Variants in NELFB observed in about 807,000 individuals in gnomAD.
NELFB encodes negative elongation factor B.
Under a neutral mutation model 60.2 loss-of-function variants are expected in NELFB, and 34 were observed. That is an observed-to-expected ratio of 0.56 (90% CI 0.43 to 0.75). The LOEUF (loss-of-function observed/expected upper bound fraction) is 0.75. Ranked by LOEUF, NELFB falls within the 30% of genes least tolerant of loss-of-function variation. The pLI is 0.00. For missense variants in NELFB, 770 were observed against 831.6 expected (o/e 0.93, Z 0.91); for synonymous variants, 459 against 382.1 (o/e 1.20, Z -2.35).
At chr9:137,270,470 G>C (rs1830570798) in intron 10 of NELFB, among the ~76,000 whole-genome samples, 1 of 149,948 alleles carries the variant, frequency 6.7e-6, no homozygotes. Context: ...CATGCCTGTA[G>C]TCCCAGCTAC....
chr9:137,263,245 C>T (rs770500382), intron 5 of NELFB, 23 bp downstream of exon 5: 3 of 1,589,754 alleles, frequency 1.9e-6, no homozygotes, highest in Non-Finnish European at 2.6e-6. Context: ...TCCCTCCTTC[C>T]CCCCTACCCT....
chr9:137,265,848 G>A lies in NELFB; in HGVS notation c.1041-29G>A, dbSNP rs748090620. On this transcript the variant is annotated intron_variant, in intron 6 of 12. Transcript: ENST00000343053. Reference sequence around the variant, plus strand: ...GCTGAAGGGAGGGGCAACAGGCGTCGCATTAATGCCAGGGCGGCCTCCTTC... The same window carrying A: ...GCTGAAGGGAGGGGCAACAGGCGTCACATTAATGCCAGGGCGGCCTCCTTC... The A allele has an allele frequency of 5.8e-5, 85 of 1,476,482 alleles. 1 individual carries two copies. The highest frequency in any genetic ancestry group is 4.5e-5 in the Non-Finnish European group (47 of 1,055,854). 91.5% of individuals were successfully genotyped at this position (1,476,482 alleles called of 1,614,324 possible).
At chr9:137,261,528 G>A (rs558659457) in intron 4 of NELFB, among the ~76,000 whole-genome samples, 16 of 151,354 alleles carry the variant, frequency 1.1e-4, no homozygotes, top group Non-Finnish European at 2.2e-4. Context: ...CATGGCAGCC[G>A]GCGCCTGTAA....
Position 137,263,098 on chromosome 9 carries a change from A to G in NELFB, c.803A>G (p.Gln268Arg). 2 of 1,614,030 alleles carry G rather than the reference A, an allele frequency of 1.2e-6. No homozygotes were observed. Among genetic ancestry groups the G allele is most frequent in the East Asian group, 2.2e-5 (1 of 44,872 alleles). Residue 268 changes from glutamine to arginine, a missense_variant, in exon 5 of 13, where the codon CAG becomes CGG. Transcript: ENST00000343053. The stretch of plus-strand genomic sequence containing the variant: ...GTGAAGCTGTACGACATGGTGCTGC[A>G]GTTTCTGCGCACGCTCTTCCTGCGC...
intron 4 of NELFB, among the ~76,000 whole-genome samples, chr9:137,262,521 A>G (rs1161012528): frequency 6.6e-6 from 1 of 152,248 alleles, no homozygotes; most frequent in Non-Finnish European, 1.5e-5. Context: ...GGATTGTTAT[A>G]ATATTGGAAT....
chr9:137,256,074 G>C lies in NELFB; in HGVS notation c.410+4G>C. ...CGGAGGGGAAGGCTGAGGAAAGGTG[G>C]GTCAGCGGGAGGGGTGGGCAGGTGA... On this transcript the variant is annotated splice_donor_region_variant and intron_variant, in intron 2 of 12. Coordinates refer to ENST00000343053, the MANE Select transcript of NELFB (RefSeq NM_015456.5). 1 of 1,612,440 alleles carries C rather than the reference G, an allele frequency of 6.2e-7. No homozygotes were observed.
chr9:137,271,522 C>T (rs575880395), intron 10 of NELFB, among the ~76,000 whole-genome samples: 104 of 152,360 alleles, frequency 6.8e-4, no homozygotes, highest in African/African-American at 2.5e-3. Context: ...GTGCTGTGGT[C>T]GCACGTGAGG....
chr9:137,256,242 C>T lies in NELFB; in HGVS notation c.411-87C>T, dbSNP rs879085918. ...TGTGTCCTGGGCGTGGAGGCTTGTC[C>T]TGGTAGCTGTTATCTGTGTAGGGAC... On this transcript the variant is annotated intron_variant, in intron 2 of 12. Transcript: ENST00000343053. 18 of 1,425,806 alleles carry T rather than the reference C, an allele frequency of 1.3e-5. No individual in the cohort carries two copies. The East Asian group carries it at 1.8e-4, about 14-fold the overall frequency. 88.3% of individuals were successfully genotyped at this position (1,425,806 alleles called of 1,614,324 possible).
At chr9:137,270,356 C>CA (rs934221235) in intron 10 of NELFB, among the ~76,000 whole-genome samples, 10 of 151,504 alleles carry the variant, frequency 6.6e-5, no homozygotes, top group African/African-American at 2.4e-4. Flanking sequence ...TTTGGGAGGC[C>CA]AAGGCGGGTG....
rs1830557303 is a variant in NELFB, at chr9:137,269,495, G to T, written c.1489+2149G>T. On this transcript the variant is annotated intron_variant, in intron 10 of 12. Transcript: ENST00000343053. The surrounding 1 kb of genome is among the most constrained non-coding windows in gnomAD (Gnocchi z 5.3). ...CCTGCCCACTGCAGTACAGTCACGTGTCACATAACATTCTGTCTACCGTGG... is the reference window on the plus strand; with the variant it reads ...CCTGCCCACTGCAGTACAGTCACGTTTCACATAACATTCTGTCTACCGTGG... 6.6e-6 allele frequency among the ~76,000 whole-genome samples: 1 copy of T among 152,236 alleles called. No homozygotes were observed. Among genetic ancestry groups the T allele is most frequent in the Admixed American group, 6.5e-5 (1 of 15,282 alleles).
At chr9:137,272,681 G>T (rs1830598488) in intron 12 of NELFB, 66 bp downstream of exon 12, 2 of 1,536,482 alleles carry the variant, frequency 1.3e-6, no homozygotes, top group Admixed American at 4.0e-5. Context: ...TGCTTGCCAA[G>T]CTGCCCTTGT....
chr9:137,255,725 C>G (rs1837539985), intron 1 of NELFB, 114 bp downstream of exon 1: 2 of 1,429,944 alleles, frequency 1.4e-6, no homozygotes, highest in Admixed American at 4.1e-5. Context: ...GTGGCTGAGT[C>G]CTGTTCTGGG....
In NELFB at chr9:137,273,284, G is replaced by T. The variant is rs911291418; in HGVS notation, c.*356G>T. On this transcript the variant is annotated 3_prime_UTR_variant, in exon 13 of 13. Coordinates refer to ENST00000343053, the MANE Select transcript of NELFB (RefSeq NM_015456.5). ...TTCATTGGCCCAGCTTGGCGAAAGC[G>T]AGGCACACTGCTTACTGCCTTGGGG... 14 of 229,032 alleles carry T rather than the reference G, an allele frequency of 6.1e-5. No individual in the cohort carries two copies. The highest frequency in any genetic ancestry group is 9.5e-5 in the Non-Finnish European group (11 of 116,262). The allele number at this position is 229,032 out of a possible 1,614,324, so 14.2% of individuals were successfully genotyped here.
At chr9:137,258,185 G>A (rs1032704878) in intron 4 of NELFB, among the ~76,000 whole-genome samples, 1 of 139,494 alleles carries the variant, frequency 7.2e-6, no homozygotes, top group Non-Finnish European at 1.5e-5. Flanking sequence ...GTACAGTGGT[G>A]TGATCGTGGC....
intron 10 of NELFB, 144 bp downstream of exon 10, chr9:137,267,490 C>CTTTT (rs1174937800): frequency 4.8e-5 from 21 of 440,436 alleles, no homozygotes; most frequent in African/African-American, 1.8e-4. Flanking sequence ...TTGTTTTCAC[C>CTTTT]TTTTTTTTTT....
intron 4 of NELFB, among the ~76,000 whole-genome samples, chr9:137,259,987 C>T (rs1237040130): frequency 6.6e-6 from 1 of 151,384 alleles, no homozygotes; most frequent in Non-Finnish European, 1.5e-5. Flanking sequence ...GCCTCAGCCT[C>T]CCAAAGTGTT....
At chr9:137,265,433 G>C (rs1830506423) in intron 6 of NELFB, among the ~76,000 whole-genome samples, 1 of 115,618 alleles carries the variant, frequency 8.6e-6, no homozygotes, top group South Asian at 3.0e-4. Context: ...CTCTTGCCCA[G>C]GCTGGAGTGC....
At position 137,263,073 on chromosome 9, in the gene NELFB, G is replaced by A. The variant is rs1830472681; in HGVS notation, c.778G>A (p.Val260Met). ...GCTGACGCGGATGGTGGGGAAGAAC[G>A]TGAAGCTGTACGACATGGTGCTGCA... Residue 260 changes from valine (V) to methionine (M), a missense_variant, in exon 5 of 13, where the codon GTG becomes ATG. Coordinates refer to ENST00000343053, the MANE Select transcript of NELFB (RefSeq NM_015456.5). 1.9e-6 allele frequency: 3 copies of A among 1,613,830 alleles called. No homozygotes were observed. Among genetic ancestry groups the A allele is most frequent in the Non-Finnish European group, 2.5e-6 (3 of 1,179,788 alleles).
chr9:137,268,689 A>G (rs889718079), intron 10 of NELFB, among the ~76,000 whole-genome samples: 4 of 152,192 alleles, frequency 2.6e-5, no homozygotes, highest in African/African-American at 9.7e-5. Flanking sequence ...GTGTCATCCC[A>G]TGGTGGAAGG....
Sources: allele counts gnomAD v4.1 joint callset (sites outside exome capture counted in the v4.1 genomes callset), GRCh38; gene constraint gnomAD v4.1.1; non-coding constraint Gnocchi (gnomAD v3.1); transcripts MANE v1.5; gene names NCBI Gene and HGNC (gene_info 2026-07-23, HGNC 2026-07-21).